The following LOXHD1 variants were observed in gnomAD, a reference collection of about 807,000 sequenced individuals.
The protein encoded by LOXHD1 is lipoxygenase homology PLAT domains 1, also known as lipoxygenase homology domain-containing protein 1.
LOXHD1 carries 205 observed loss-of-function variants against 248.2 expected under a neutral mutation model. That is an observed-to-expected ratio of 0.83 (90% CI 0.74 to 0.93). The LOEUF (loss-of-function observed/expected upper bound fraction) is 0.93, where lower values mean the gene tolerates loss of function less well. Ranked by LOEUF, LOXHD1 falls within the 40% of genes least tolerant of loss-of-function variation. The pLI is 0.00. For synonymous variants in LOXHD1, 1,113 were observed against 1,162.8 expected (o/e 0.96, Z 0.87); for missense variants, 2,930 against 2,971.6 (o/e 0.99, Z 0.33).
intron 34 of LOXHD1, among the ~76,000 whole-genome samples, chr18:46,512,900 T>C (rs1289474256): frequency 3.9e-5 from 6 of 151,936 alleles, no homozygotes; most frequent in African/African-American, 1.5e-4. Context: ...CTCAGGAAAA[T>C]ATGAAAAACC....
intron 22 of LOXHD1, among the ~76,000 whole-genome samples, chr18:46,546,035 T>C (rs1316740900): frequency 6.6e-6 from 1 of 152,124 alleles, no homozygotes; most frequent in Non-Finnish European, 1.5e-5. Flanking sequence ...CTCTGGCTTA[T>C]ACAGGAAGCC....
chr18:46,508,175 G>A (rs148812861), intron 35 of LOXHD1, among the ~76,000 whole-genome samples: 3 of 152,286 alleles, frequency 2.0e-5, no homozygotes, highest in East Asian at 1.9e-4. Context: ...AGCCTGAGGC[G>A]ATGCAGGACA....
intron 5 of LOXHD1, 65 bp from the exon 6 acceptor site, chr18:46,610,989 A>G (rs1182556030): frequency 2.6e-6 from 4 of 1,531,582 alleles, no homozygotes; most frequent in Non-Finnish European, 3.5e-6. Flanking sequence ...CCAAGCCTTC[A>G]TGGTCCGCCC....
intron 12 of LOXHD1, among the ~76,000 whole-genome samples, chr18:46,591,174 T>A (rs113996269): frequency 0.028 from 4,305 of 152,362 alleles, 214 homozygotes; most frequent in African/African-American, 0.099. Context: ...TATATATTTT[T>A]ACCTTTTTGT....
At chr18:46,650,525 T>C (rs1007010319) in intron 1 of LOXHD1, among the ~76,000 whole-genome samples, 1 of 152,200 alleles carries the variant, frequency 6.6e-6, no homozygotes, top group Non-Finnish European at 1.5e-5. Flanking sequence ...GGTAAACCTA[T>C]AGTTATTTCT....
intron 12 of LOXHD1, among the ~76,000 whole-genome samples, chr18:46,581,212 G>A (rs1244924958): frequency 6.6e-6 from 1 of 152,160 alleles, no homozygotes; most frequent in Non-Finnish European, 1.5e-5. Flanking sequence ...TAGGACTGGA[G>A]GTGCAACAGA....
chr18:46,522,960 T>C (rs1364169356), intron 31 of LOXHD1, among the ~76,000 whole-genome samples: 1 of 152,096 alleles, frequency 6.6e-6, no homozygotes, highest in East Asian at 1.9e-4. Context: ...TTTTTTCTTT[T>C]TTTTGAGATG....
rs1407091546 is a variant in LOXHD1, at chr18:46,524,561, G to T, written c.4781C>A (p.Ala1594Asp). Residue 1594 changes from alanine (A) to aspartate (D), a missense_variant, in exon 31 of 41, where the codon GCT (alanine) becomes GAT (aspartate). By Grantham distance (126) the Ala-to-Asp change is moderately radical. Transcript: ENST00000642948. ...GDRSSNCSSP[A>D]DFWEIALSSK... is the part of the protein sequence containing the mutation. Reference sequence around the variant, plus strand: ...GCTCAGGGCGATCTCCCAGAAGTCAGCAGGGCTGCTGCAGTTGCTGCTGCG... The same window carrying T: ...GCTCAGGGCGATCTCCCAGAAGTCATCAGGGCTGCTGCAGTTGCTGCTGCG... 6.4e-7 allele frequency: 1 copy of T among 1,551,752 alleles called. No individual in the cohort carries two copies. The highest frequency in any genetic ancestry group is 8.7e-7 in the Non-Finnish European group (1 of 1,147,010).
chr18:46,555,392 C>T (rs997417057), intron 21 of LOXHD1: 55 of 315,280 alleles, frequency 1.7e-4, no homozygotes, highest in Admixed American at 1.6e-3. Flanking sequence ...GGCTGTCCTA[C>T]GGTCTTTATG....
chr18:46,629,595 C>T (rs928047519), intron 4 of LOXHD1, among the ~76,000 whole-genome samples: 6 of 152,026 alleles, frequency 3.9e-5, no homozygotes, highest in Admixed American at 2.0e-4. Context: ...ATGTCAAGAT[C>T]GGGTACACAT....
chr18:46,595,967 A>G (rs960525814), intron 8 of LOXHD1, among the ~76,000 whole-genome samples: 1 of 152,182 alleles, frequency 6.6e-6, no homozygotes, highest in Non-Finnish European at 1.5e-5. Flanking sequence ...GGTTCTAAAC[A>G]TATAGTAAGC....
At chr18:46,528,625 C>T (rs523112) in intron 29 of LOXHD1, among the ~76,000 whole-genome samples, 148,034 of 152,108 alleles carry the variant, frequency 0.97, 72,168 homozygotes, top group Middle Eastern at 1. Context: ...TCTGCACCTG[C>T]CTCCACCGCT....
chr18:46,560,663 A>C (rs2037507126), intron 18 of LOXHD1, 118 bp from the exon 19 acceptor site: 4 of 942,230 alleles, frequency 4.2e-6, no homozygotes, highest in Admixed American at 2.8e-5. Context: ...CAGGATGGAG[A>C]GGGCTGGGGC....
chr18:46,497,367 G>A (rs567837872), intron 37 of LOXHD1, among the ~76,000 whole-genome samples: 42 of 152,342 alleles, frequency 2.8e-4, no homozygotes, highest in Non-Finnish European at 5.0e-4. Context: ...TTTTGACCGT[G>A]AGGAGATGGA....
At chr18:46,490,028 A>G (rs142892743) in intron 37 of LOXHD1, among the ~76,000 whole-genome samples, 34 of 152,350 alleles carry the variant, frequency 2.2e-4, no homozygotes, top group African/African-American at 6.5e-4. Context: ...CAGCTATCAA[A>G]TATGAATTGA....
chr18:46,599,182 G>A (rs924720389), intron 8 of LOXHD1, among the ~76,000 whole-genome samples: 14 of 152,092 alleles, frequency 9.2e-5, no homozygotes, highest in African/African-American at 3.4e-4. Flanking sequence ...TCAGAACAGT[G>A]GGAAAAGAAT....
At chr18:46,653,351 AT>A (rs2039137058) in intron 1 of LOXHD1, among the ~76,000 whole-genome samples, 1 of 152,244 alleles carries the variant, frequency 6.6e-6, no homozygotes, top group Non-Finnish European at 1.5e-5. Flanking sequence ...GGGGCTGGAA[AT>A]ATTTCATATT....
intron 29 of LOXHD1, among the ~76,000 whole-genome samples, chr18:46,528,565 T>C (rs960887756): frequency 3.9e-5 from 6 of 152,098 alleles, no homozygotes; most frequent in African/African-American, 1.4e-4. Flanking sequence ...GGCACTGTGA[T>C]CAACAGGCCA....
In LOXHD1 at chr18:46,507,539, C is replaced by G. The variant is rs527820569; in HGVS notation, c.5691G>C (p.Leu1897=). ...YTVAVKTSDI[L]GAGTDANVFI... ...AGGTGTGAGGGACCCCCGACCCACC[C>G]AGGATGTCGCTGGTCTTAACTGCGA... Residue 1897 remains leucine, a splice_region_variant and synonymous_variant, in exon 36 of 41, where the codon CTG becomes CTC. Transcript: ENST00000642948. 1.3e-4 allele frequency: 204 copies of G among 1,551,682 alleles called. 6 individuals carry two copies. The South Asian group carries it at 2.4e-3, about 18-fold the overall frequency.
Sources: allele counts gnomAD v4.1 joint callset (sites outside exome capture counted in the v4.1 genomes callset), GRCh38; gene constraint gnomAD v4.1.1; transcripts MANE v1.5; gene names NCBI Gene and HGNC (gene_info 2026-07-23, HGNC 2026-07-21).